The following COMMD10 variants were observed in gnomAD, a reference collection of about 807,000 sequenced individuals.
COMMD10 encodes the protein COMM domain containing 10, also known as COMM domain-containing protein 10.
COMMD10 carries 33 observed loss-of-function variants against 28.9 expected under a neutral mutation model. The observed-to-expected ratio is 1.14, with a 90% CI of 0.87 to 1.53. The LOEUF (loss-of-function observed/expected upper bound fraction) is 1.53, where lower values mean the gene tolerates loss of function less well. COMMD10 is among the 40% of genes most tolerant of loss of function. COMMD10 has a pLI of 0.00. For synonymous variants in COMMD10, 110 were observed against 81.7 expected (o/e 1.35, Z -1.87); for missense variants, 310 against 233.4 (o/e 1.33, Z -2.14).
At chr5:116,114,702 G>A (rs2112742017) in intron 4 of COMMD10, among the ~76,000 whole-genome samples, 1 of 152,306 alleles carries the variant, frequency 6.6e-6, no homozygotes, top group Non-Finnish European at 1.5e-5. Context: ...GGGAGAGTGG[G>A]GCTACTGGTC....
intron 1 of COMMD10, among the ~76,000 whole-genome samples, chr5:116,085,971 A>C (rs1304042480): frequency 6.6e-6 from 1 of 152,206 alleles, no homozygotes; most frequent in Non-Finnish European, 1.5e-5. Context: ...ACGCACAAAG[A>C]AAGCGAGGAA....
intron 5 of COMMD10, among the ~76,000 whole-genome samples, chr5:116,167,214 C>T (rs1169080296): frequency 1.3e-5 from 2 of 151,708 alleles, no homozygotes; most frequent in East Asian, 3.9e-4. Flanking sequence ...ACACAAGTGT[C>T]AATAGCTGAA....
At chr5:116,085,174 T>G in intron 1 of COMMD10, 81 bp downstream of exon 1, 1 of 995,562 alleles carries the variant, frequency 1.0e-6, no homozygotes, top group Non-Finnish European at 1.4e-6. Context: ...CCTTGCTGCC[T>G]GCCGCCTGGG....
chr5:116,218,498 C>T (rs1048056465), intron 5 of COMMD10, among the ~76,000 whole-genome samples: 2 of 152,090 alleles, frequency 1.3e-5, no homozygotes, highest in Non-Finnish European at 2.9e-5. Flanking sequence ...AATAGTTTTT[C>T]CTCACACAAT....
intron 5 of COMMD10, among the ~76,000 whole-genome samples, chr5:116,279,495 C>G (rs539631863): frequency 6.6e-6 from 1 of 151,830 alleles, no homozygotes; most frequent in East Asian, 1.9e-4. Flanking sequence ...AGAATGGGGA[C>G]ATTCCTGTGA....
At chr5:116,223,228 A>G (rs756907065) in intron 5 of COMMD10, among the ~76,000 whole-genome samples, 11 of 152,060 alleles carry the variant, frequency 7.2e-5, no homozygotes, top group Non-Finnish European at 1.3e-4. Context: ...ATAGGATAAA[A>G]TGTAAGGAAA....
intron 5 of COMMD10, among the ~76,000 whole-genome samples, chr5:116,150,135 T>A (rs1482075199): frequency 6.6e-6 from 1 of 152,202 alleles, no homozygotes; most frequent in African/African-American, 2.4e-5. Context: ...ATTTCTTGTT[T>A]TTGTCAGGTT....
At chr5:116,245,822 T>C (rs1749937363) in intron 5 of COMMD10, among the ~76,000 whole-genome samples, 1 of 152,114 alleles carries the variant, frequency 6.6e-6, no homozygotes, top group African/African-American at 2.4e-5. Flanking sequence ...AAACTAGGTA[T>C]TGAAGGAACA....
intron 5 of COMMD10, among the ~76,000 whole-genome samples, chr5:116,166,747 A>C (rs538216082): frequency 2.0e-5 from 3 of 152,330 alleles, no homozygotes; most frequent in African/African-American, 4.8e-5. Flanking sequence ...CTTGCAGCAG[A>C]GGGGCCTGAC....
intron 4 of COMMD10, among the ~76,000 whole-genome samples, chr5:116,104,063 G>A (rs1750752176): frequency 6.6e-6 from 1 of 152,188 alleles, no homozygotes; most frequent in Non-Finnish European, 1.5e-5. Flanking sequence ...TCGTAGTGTA[G>A]TTTGAAGTCA....
chr5:116,134,900 C>T (rs371240028), intron 5 of COMMD10, among the ~76,000 whole-genome samples: 5 of 151,998 alleles, frequency 3.3e-5, no homozygotes, highest in South Asian at 2.1e-4. Context: ...GGATTACAGG[C>T]GTGAGCCACC....
At chr5:116,164,245 C>G (rs1432893814) in intron 5 of COMMD10, among the ~76,000 whole-genome samples, 1 of 152,082 alleles carries the variant, frequency 6.6e-6, no homozygotes, top group Non-Finnish European at 1.5e-5. Flanking sequence ...TGCTTGAACC[C>G]AGGAGGAGGA....
chr5:116,192,208 A>C, intron 5 of COMMD10, among the ~76,000 whole-genome samples: 1 of 151,982 alleles, frequency 6.6e-6, no homozygotes, highest in East Asian at 1.9e-4. Context: ...TACCTAAATG[A>C]GAAGGAACCA....
chr5:116,134,911 G>A (rs1351000973), intron 5 of COMMD10, among the ~76,000 whole-genome samples: 2 of 150,530 alleles, frequency 1.3e-5, no homozygotes, highest in Non-Finnish European at 3.0e-5. Flanking sequence ...GTGAGCCACC[G>A]CGCCCGGCCT....
chr5:116,161,209 A>T (rs938259557), intron 5 of COMMD10, among the ~76,000 whole-genome samples: 3 of 152,168 alleles, frequency 2.0e-5, no homozygotes, highest in Non-Finnish European at 2.9e-5. Flanking sequence ...GGATTCAGCA[A>T]ACCTGGTTTA....
chr5:116,127,468 C>T (rs1047072345), intron 4 of COMMD10, among the ~76,000 whole-genome samples: 2 of 152,178 alleles, frequency 1.3e-5, no homozygotes, highest in Non-Finnish European at 2.9e-5. Flanking sequence ...TATAAAGACA[C>T]ATGCACACGC....
At chr5:116,241,819 A>G (rs1749822408) in intron 5 of COMMD10, among the ~76,000 whole-genome samples, 2 of 151,888 alleles carry the variant, frequency 1.3e-5, no homozygotes, top group South Asian at 2.1e-4. Flanking sequence ...GGATTTCACC[A>G]TGTTAGCCAG....
intron 4 of COMMD10, among the ~76,000 whole-genome samples, chr5:116,122,878 C>T (rs1751490161): frequency 6.6e-6 from 1 of 152,160 alleles, no homozygotes; most frequent in African/African-American, 2.4e-5. Context: ...AGATTTTGGG[C>T]TGAGACGATG....
intron 4 of COMMD10, among the ~76,000 whole-genome samples, chr5:116,095,427 G>A (rs1750437356): frequency 6.6e-6 from 1 of 152,176 alleles, no homozygotes; most frequent in South Asian, 2.1e-4. Flanking sequence ...TAGATTAAGT[G>A]TATTAAATAC....
Sources: allele counts gnomAD v4.1 joint callset (sites outside exome capture counted in the v4.1 genomes callset), GRCh38; gene constraint gnomAD v4.1.1; transcripts MANE v1.5; gene names NCBI Gene and HGNC (gene_info 2026-07-23, HGNC 2026-07-21).